The following STK33 variants were observed in gnomAD, a reference collection of about 807,000 sequenced individuals.
STK33 encodes serine/threonine kinase 33.
In STK33, 52 loss-of-function variants were observed where a neutral mutation model predicts 58.0. The observed-to-expected ratio is 0.90, with a 90% CI of 0.72 to 1.13. The LOEUF (loss-of-function observed/expected upper bound fraction) is 1.13. Among genes scored for constraint, STK33 ranks in the 50% most tolerant of loss-of-function variants. The pLI, the probability that STK33 is intolerant of heterozygous loss-of-function variation, is 0.00. For missense variants in STK33, 630 were observed against 604.2 expected (o/e 1.04, Z -0.45); for synonymous variants, 215 against 200.1 (o/e 1.07, Z -0.63).
At chr11:8,533,186 T>A (rs1043447621) in intron 1 of STK33, among the ~76,000 whole-genome samples, 1 of 152,244 alleles carries the variant, frequency 6.6e-6, no homozygotes, top group Non-Finnish European at 1.5e-5. Flanking sequence ...TTAACACCCT[T>A]TTCCCATGAT....
intron 2 of STK33, among the ~76,000 whole-genome samples, chr11:8,477,846 T>C (rs1251186998): frequency 6.6e-6 from 1 of 152,180 alleles, no homozygotes; most frequent in African/African-American, 2.4e-5. Context: ...TTGGTAGCTA[T>C]ATGCATAAAG....
rs185144543 is a variant in STK33 at position 8,442,525 on chromosome 11, G to A, written c.872-1772C>T. On this transcript the variant is annotated intron_variant, in intron 11 of 15. Transcript: ENST00000687296. Reference sequence around the variant, plus strand: ...AGAGTAACTGCCAAGAAGCCATTTAGGAAGTCAGCAAAGCTCCACAAACCA... The same window carrying A: ...AGAGTAACTGCCAAGAAGCCATTTAAGAAGTCAGCAAAGCTCCACAAACCA... Among the ~76,000 whole-genome samples, 8 of 152,288 alleles carry A rather than the reference G, an allele frequency of 5.3e-5. No individual in the cohort carries two copies. The East Asian group carries it at 1.5e-3, about 29-fold the overall frequency.
the STK33 span, among the ~76,000 whole-genome samples, chr11:8,355,905 A>G: frequency 6.6e-6 from 1 of 152,180 alleles, no homozygotes; most frequent in Admixed American, 6.5e-5. Flanking sequence ...CATGCAACAA[A>G]CAGCAGCCAC....
the STK33 span, among the ~76,000 whole-genome samples, chr11:8,366,037 G>A: frequency 1.3e-4 from 20 of 152,232 alleles, no homozygotes; most frequent in African/African-American, 4.8e-4. Flanking sequence ...GGAGCTGCAG[G>A]GATCGTTAGA....
chr11:8,529,375 C>T (rs548142056), intron 1 of STK33, among the ~76,000 whole-genome samples: 1 of 152,232 alleles, frequency 6.6e-6, no homozygotes, highest in South Asian at 2.1e-4. Context: ...ACAAATTTTT[C>T]TCTGCTAAGT....
intron 1 of STK33, among the ~76,000 whole-genome samples, chr11:8,482,334 T>C (rs1565153450): frequency 6.6e-6 from 1 of 152,114 alleles, no homozygotes; most frequent in Non-Finnish European, 1.5e-5. Context: ...AGTAAGAGCA[T>C]CTAGAGGGCA....
chr11:8,444,784 A>T (rs867679653), intron 11 of STK33, among the ~76,000 whole-genome samples: 2 of 152,180 alleles, frequency 1.3e-5, no homozygotes, highest in Non-Finnish European at 2.9e-5. Flanking sequence ...AAAAAATAAT[A>T]GAAACTTTAT....
At chr11:8,494,989 A>C (rs1044616774) in intron 1 of STK33, among the ~76,000 whole-genome samples, 1 of 152,206 alleles carries the variant, frequency 6.6e-6, no homozygotes, top group African/African-American at 2.4e-5. Flanking sequence ...AACCATAAAA[A>C]CCCTAGAAGA....
chr11:8,414,232 A>G (rs1940775054), intron 14 of STK33, among the ~76,000 whole-genome samples: 2 of 152,226 alleles, frequency 1.3e-5, no homozygotes, highest in Admixed American at 6.5e-5. Flanking sequence ...TCATTTGATT[A>G]TAACTGACTT....
At chr11:8,502,812 G>C (rs1256560977) in intron 1 of STK33, among the ~76,000 whole-genome samples, 1 of 152,108 alleles carries the variant, frequency 6.6e-6, no homozygotes, top group African/African-American at 2.4e-5. Context: ...ATTAAAAAGT[G>C]GGCAAAGGAC....
intron 11 of STK33, among the ~76,000 whole-genome samples, chr11:8,448,522 A>C (rs1452670612): frequency 6.6e-6 from 1 of 152,240 alleles, no homozygotes; most frequent in Non-Finnish European, 1.5e-5. Context: ...GACAAAAACA[A>C]GAAATGCGGA....
At chr11:8,417,832 C>T (rs1941345798) in intron 14 of STK33, among the ~76,000 whole-genome samples, 1 of 152,084 alleles carries the variant, frequency 6.6e-6, no homozygotes, top group African/African-American at 2.4e-5. Flanking sequence ...GAGGAACAAG[C>T]ACTCTCACTT....
chr11:8,365,426 C>T, the STK33 span, among the ~76,000 whole-genome samples: 2 of 152,196 alleles, frequency 1.3e-5, no homozygotes, highest in African/African-American at 4.8e-5. Flanking sequence ...GCTGACAGCT[C>T]ATTAGCAGCT....
intron 15 of STK33, among the ~76,000 whole-genome samples, chr11:8,401,808 T>A (rs1211178723): frequency 2.0e-5 from 3 of 152,146 alleles, no homozygotes; most frequent in South Asian, 2.1e-4. Flanking sequence ...GGGCAAAGGA[T>A]ATGAACGGAC....
the STK33 span, among the ~76,000 whole-genome samples, chr11:8,378,987 C>T: frequency 6.6e-6 from 1 of 152,104 alleles, no homozygotes; most frequent in East Asian, 1.9e-4. Context: ...AGAAATAAAG[C>T]TAAATACTTA....
chr11:8,520,601 T>C (rs147475338), intron 1 of STK33, among the ~76,000 whole-genome samples: 1,863 of 152,278 alleles, frequency 0.012, 39 homozygotes, highest in African/African-American at 0.042. Context: ...AACCCCATCG[T>C]CTCGGCCCAA....
chr11:8,503,985 G>A (rs1565211640), intron 1 of STK33, among the ~76,000 whole-genome samples: 1 of 152,148 alleles, frequency 6.6e-6, no homozygotes, highest in South Asian at 2.1e-4. Flanking sequence ...AGCTTTAAAA[G>A]GAATTACATA....
At chr11:8,340,315 C>T in the STK33 span, among the ~76,000 whole-genome samples, 4 of 152,144 alleles carry the variant, frequency 2.6e-5, no homozygotes, top group African/African-American at 9.7e-5. Context: ...CTCTAAGGTC[C>T]TTGGGAGACC....
chr11:8,339,683 C>T, the STK33 span, among the ~76,000 whole-genome samples: 844 of 142,670 alleles, frequency 5.9e-3, 3 homozygotes, highest in South Asian at 0.017. Context: ...TTCTCTACAG[C>T]GGGGGCTGCA....
Sources: allele counts gnomAD v4.1 joint callset (sites outside exome capture counted in the v4.1 genomes callset), GRCh38; gene constraint gnomAD v4.1.1; transcripts MANE v1.5; gene names NCBI Gene and HGNC (gene_info 2026-07-23, HGNC 2026-07-21).